Variants in SS18 observed in about 807,000 individuals in gnomAD.
SS18 encodes the protein SS18 subunit of BAF chromatin remodeling complex.
SS18 carries 28 observed loss-of-function variants against 72.5 expected under a neutral mutation model. That is an observed-to-expected ratio of 0.39 (90% CI 0.29 to 0.53). The LOEUF is 0.53. Ranked by LOEUF, SS18 falls within the 20% of genes least tolerant of loss-of-function variation. SS18 has a pLI of 0.76. For synonymous variants in SS18, 172 were observed against 164.2 expected (o/e 1.05, Z -0.37); for missense variants, 518 against 535.3 (o/e 0.97, Z 0.32).
intron 5 of SS18, among the ~76,000 whole-genome samples, chr18:26,047,437 T>C (rs2053845509): frequency 6.7e-6 from 1 of 149,260 alleles, no homozygotes; most frequent in South Asian, 2.1e-4. Flanking sequence ...ATTAATACCA[T>C]AACTTAGCAA....
intron 3 of SS18, among the ~76,000 whole-genome samples, chr18:26,066,454 G>A (rs779097183): frequency 3.3e-5 from 5 of 152,008 alleles, no homozygotes; most frequent in Admixed American, 6.6e-5. Flanking sequence ...CGCCTTATCC[G>A]TAGTTTCAGT....
chr18:26,067,704 C>G (rs145678005), intron 3 of SS18, among the ~76,000 whole-genome samples: 1 of 152,064 alleles, frequency 6.6e-6, no homozygotes, highest in African/African-American at 2.4e-5. Flanking sequence ...GTAAAGACGA[C>G]GAGCTGCGCA....
chr18:26,056,082 G>C (rs763746318), intron 4 of SS18, among the ~76,000 whole-genome samples: 1 of 152,078 alleles, frequency 6.6e-6, no homozygotes, highest in African/African-American at 2.4e-5. Flanking sequence ...CTATTGTTTC[G>C]GAAGCTCTAT....
At chr18:26,034,938 C>T in intron 9 of SS18, 67 bp downstream of exon 9, 2 of 1,535,238 alleles carry the variant, frequency 1.3e-6, no homozygotes, top group East Asian at 2.3e-5. Flanking sequence ...ATTAAATATC[C>T]ACTTCCATAT....
intron 1 of SS18, among the ~76,000 whole-genome samples, chr18:26,089,467 A>G (rs1264282973): frequency 6.6e-6 from 1 of 152,278 alleles, no homozygotes; most frequent in Non-Finnish European, 1.5e-5. Flanking sequence ...GAAACCGATT[A>G]GCATAATCTA....
Position 26,033,711 on chromosome 18 carries a change from G to GT in SS18, c.1097-1180dup, listed in dbSNP as rs888394445. 4.6e-5 allele frequency among the ~76,000 whole-genome samples: 7 copies of GT among 151,754 alleles called. 1 individual carries two copies. The highest frequency in any genetic ancestry group is 7.2e-5 in the African/African-American group (3 of 41,392). On this transcript the variant is annotated intron_variant, in intron 9 of 10. Transcript: ENST00000415083. ...AAACTTTATTTCTAGTGGAAATAAAGTTTTTTTTGGACAACACAAGCCTAT... is the reference window on the plus strand; with the variant it reads ...AAACTTTATTTCTAGTGGAAATAAAGTTTTTTTTTGGACAACACAAGCCTAT...
intron 5 of SS18, among the ~76,000 whole-genome samples, chr18:26,050,464 CTCTT>C (rs2053902075): frequency 6.6e-6 from 1 of 151,828 alleles, no homozygotes. Context: ...ATTAATAAAA[CTCTT>C]CAATCATCCT....
At chr18:26,042,145 G>A (rs8082789) in intron 5 of SS18, among the ~76,000 whole-genome samples, 9,519 of 152,138 alleles carry the variant, frequency 0.063, 823 homozygotes, top group African/African-American at 0.2. Flanking sequence ...CACTGGCAAT[G>A]TATATTATCT....
intron 10 of SS18, among the ~76,000 whole-genome samples, chr18:26,026,111 ACT>A (rs2053441501): frequency 6.6e-6 from 1 of 152,154 alleles, no homozygotes; most frequent in Non-Finnish European, 1.5e-5. Context: ...AAGTTGAACC[ACT>A]GTTATGTCAG....
At chr18:26,028,883 A>C (rs1257324734) in intron 10 of SS18, among the ~76,000 whole-genome samples, 1 of 152,134 alleles carries the variant, frequency 6.6e-6, no homozygotes, top group Non-Finnish European at 1.5e-5. Flanking sequence ...CAAACTGTAC[A>C]CTTTTATTAC....
At chr18:26,044,163 ATAAT>A (rs1418535995) in intron 5 of SS18, among the ~76,000 whole-genome samples, 2 of 152,192 alleles carry the variant, frequency 1.3e-5, no homozygotes, top group African/African-American at 4.8e-5. Context: ...CTAAAGAAAA[ATAAT>A]TAAACACATA....
chr18:26,032,614 T>TAC, intron 9 of SS18, 82 bp from the exon 10 acceptor site: 6 of 1,450,212 alleles, frequency 4.1e-6, no homozygotes, highest in Non-Finnish European at 4.6e-6. Flanking sequence ...TACAGAGATG[T>TAC]TACTGTATTT....
At chr18:26,069,507 T>TAAAAAAAAAAAAAAAAAGA (rs2054276185) in intron 3 of SS18, among the ~76,000 whole-genome samples, 1 of 86,020 alleles carries the variant, frequency 1.2e-5, no homozygotes, top group Non-Finnish European at 3.0e-5. Flanking sequence ...CCTACCAAAG[T>TAAAAAAAAAAAAAAAAAGA]AAAAAAAAAA....
At chr18:26,039,146 T>A in intron 6 of SS18, 143 bp downstream of exon 6, 1 of 667,760 alleles carries the variant, frequency 1.5e-6, no homozygotes, top group Admixed American at 3.2e-5. Context: ...CCCTTTGTAC[T>A]TACTAGAACC....
intron 10 of SS18, among the ~76,000 whole-genome samples, chr18:26,020,736 C>T (rs1160125565): frequency 2.0e-5 from 3 of 152,124 alleles, no homozygotes; most frequent in African/African-American, 7.2e-5. Context: ...AAGGTTAACA[C>T]AGCCTAAATT....
At chr18:26,043,722 T>C (rs1301351411) in intron 5 of SS18, among the ~76,000 whole-genome samples, 2 of 152,050 alleles carry the variant, frequency 1.3e-5, no homozygotes, top group African/African-American at 2.4e-5. Flanking sequence ...AGTAAGAAAA[T>C]GTAGGATGAC....
intron 3 of SS18, among the ~76,000 whole-genome samples, chr18:26,071,978 T>C (rs866137841): frequency 6.6e-5 from 10 of 151,792 alleles, no homozygotes; most frequent in African/African-American, 1.9e-4. Flanking sequence ...AAAAAAGTGA[T>C]CTAAGCTAGA....
At chr18:26,043,098 G>A (rs1251331335) in intron 5 of SS18, among the ~76,000 whole-genome samples, 2 of 152,036 alleles carry the variant, frequency 1.3e-5, no homozygotes, top group South Asian at 4.2e-4. Context: ...CCTATGAAAC[G>A]GGTAGTATTA....
intron 3 of SS18, chr18:26,064,797 T>A (rs2054183439): frequency 6.6e-6 from 1 of 151,862 alleles, no homozygotes; most frequent in Admixed American, 6.6e-5. Context: ...AAAGAAATAA[T>A]GATTTAAAAA....
Sources: allele counts gnomAD v4.1 joint callset (sites outside exome capture counted in the v4.1 genomes callset), GRCh38; gene constraint gnomAD v4.1.1; transcripts MANE v1.5; gene names NCBI Gene and HGNC (gene_info 2026-07-23, HGNC 2026-07-21).